The following ZNF236 variants were observed in gnomAD, a reference collection of about 807,000 sequenced individuals.
The protein encoded by ZNF236 is regulated by glucose.
A neutral mutation model predicts 191.2 loss-of-function variants in ZNF236; 50 were observed. That is an observed-to-expected ratio of 0.26 (90% CI 0.21 to 0.33). The LOEUF is 0.33. ZNF236 is among the 10% of genes least tolerant of loss of function. ZNF236 has a pLI of 1.00. For synonymous variants in ZNF236, 907 were observed against 928.8 expected, an observed-to-expected ratio of 0.98 and a Z score of 0.43; for missense variants, 1,754 against 2,374.5, an observed-to-expected ratio of 0.74 and a Z score of 5.43.
Position 76,868,595 on chromosome 18 carries a change from A to C in ZNF236, c.364-90A>C, listed in dbSNP as rs574491130. ...TAGAGAGACCAAGTAGTTTTCATTTAATTTGTGTATTAACCGTTGATCATA... is the reference window on the plus strand; with the variant it reads ...TAGAGAGACCAAGTAGTTTTCATTTCATTTGTGTATTAACCGTTGATCATA... On this transcript the variant is annotated intron_variant, in intron 3 of 30. Coordinates refer to ENST00000320610, the MANE Select transcript of ZNF236 (RefSeq NM_001306089.2). 4.6e-6 allele frequency: 5 copies of C among 1,090,404 alleles called. No individual in the cohort carries two copies. The African/African-American group carries it at 6.4e-5, about 14-fold the overall frequency. 67.5% of individuals were successfully genotyped at this position (1,090,404 alleles called of 1,614,324 possible).
At chr18:76,936,655 G>C (rs1968009113) in intron 25 of ZNF236, among the ~76,000 whole-genome samples, 1 of 152,240 alleles carries the variant, frequency 6.6e-6, no homozygotes, top group Non-Finnish European at 1.5e-5. Flanking sequence ...GAGATGGTCA[G>C]ATTTATCCCG....
At position 76,969,031 on chromosome 18, in the gene ZNF236, C is replaced by T. The variant is rs377300931; in HGVS notation, c.*692C>T. The T allele has an allele frequency of 1.8e-5, 17 of 956,424 alleles. No individual in the cohort carries two copies. Among genetic ancestry groups the T allele is most frequent in the East Asian group, 1.2e-4 (1 of 8,680 alleles). 59.2% of individuals were successfully genotyped at this position (956,424 alleles called of 1,614,324 possible). On this transcript the variant is annotated 3_prime_UTR_variant, in exon 31 of 31. Coordinates refer to ENST00000320610, the MANE Select transcript of ZNF236 (RefSeq NM_001306089.2). ...ACCAATAAGGATTCAGCTGTCCACA[C>T]GGGCTGGCGACACACTTACCGCATC... is the stretch of plus-strand genomic sequence containing the variant.
chr18:76,861,904 G>A (rs1422269289), intron 3 of ZNF236, among the ~76,000 whole-genome samples: 1 of 152,066 alleles, frequency 6.6e-6, no homozygotes, highest in Non-Finnish European at 1.5e-5. Flanking sequence ...CGCTCTTGTC[G>A]CCCGGGCTGG....
Position 76,972,243 on chromosome 18 carries a change from A to G in ZNF236, c.*3904A>G, listed in dbSNP as rs1353459242. ...AGGCCACTGAGCTGGCATCTTCTTC[A>G]TTGTGGAGAAAGTGGGAACCACAGA... is the stretch of plus-strand genomic sequence containing the variant. On this transcript the variant is annotated 3_prime_UTR_variant, in exon 31 of 31. Transcript: ENST00000320610. Among the ~76,000 whole-genome samples, 1 of 152,256 alleles carries G rather than the reference A, an allele frequency of 6.6e-6. No homozygotes were observed. The highest frequency in any genetic ancestry group is 2.4e-5 in the African/African-American group (1 of 41,472).
Position 76,908,353 on chromosome 18 carries a change from G to A in ZNF236, c.2331G>A (p.Gln777=). 1 of 1,614,022 alleles carries A rather than the reference G, an allele frequency of 6.2e-7. No individual in the cohort carries two copies. Among genetic ancestry groups the A allele is most frequent in the Non-Finnish European group, 8.5e-7 (1 of 1,179,948 alleles). Reference sequence around the variant, plus strand: ...TTGCCCAGCAGCTCCAACAGCATCAGCAGGCAGCCTCGATAGATGACAGCA... The same window carrying A: ...TTGCCCAGCAGCTCCAACAGCATCAACAGGCAGCCTCGATAGATGACAGCA... ...YELAQQLQQH[Q]QAASIDDSTV... The change falls in exon 14 of 31, where the codon CAG becomes CAA. Residue 777 remains glutamine, a synonymous_variant. Transcript: ENST00000320610.
chr18:76,846,840 G>A (rs1300094590), intron 1 of ZNF236, among the ~76,000 whole-genome samples: 1 of 151,752 alleles, frequency 6.6e-6, no homozygotes, highest in Non-Finnish European at 1.5e-5. Context: ...TGTTGCCCAG[G>A]CTGAAGTGCA....
At chr18:76,867,121 G>A (rs556822025) in intron 3 of ZNF236, among the ~76,000 whole-genome samples, 2 of 152,208 alleles carry the variant, frequency 1.3e-5, no homozygotes, top group East Asian at 1.9e-4. Flanking sequence ...GGAGAGGAGC[G>A]GGCTGCGAGG....
intron 5 of ZNF236, among the ~76,000 whole-genome samples, chr18:76,874,831 G>A (rs1267060355): frequency 6.6e-6 from 1 of 152,242 alleles, no homozygotes; most frequent in East Asian, 1.9e-4. Flanking sequence ...GGTAGAGGGA[G>A]CAAGAGAGCA....
chr18:76,939,483 T>C (rs748683440), intron 26 of ZNF236, among the ~76,000 whole-genome samples: 3 of 152,152 alleles, frequency 2.0e-5, no homozygotes, highest in Non-Finnish European at 4.4e-5. Flanking sequence ...TCTCAGGGCC[T>C]AGTGAAGCCC....
intron 1 of ZNF236, among the ~76,000 whole-genome samples, chr18:76,832,702 C>G (rs1472044177): frequency 6.6e-6 from 1 of 151,834 alleles, no homozygotes; most frequent in African/African-American, 2.4e-5. Flanking sequence ...ATCATCTTGA[C>G]AATTGTTGGT....
At chr18:76,867,196 A>C (rs1247585988) in intron 3 of ZNF236, among the ~76,000 whole-genome samples, 4 of 147,272 alleles carry the variant, frequency 2.7e-5, no homozygotes, top group Non-Finnish European at 3.0e-5. Flanking sequence ...AAAGCAGTGC[A>C]TTTTGTTCAG....
intron 1 of ZNF236, among the ~76,000 whole-genome samples, chr18:76,838,352 T>C (rs11664491): frequency 0.19 from 28,271 of 152,210 alleles, 2,824 homozygotes; most frequent in East Asian, 0.37. Flanking sequence ...TAGAAAATAA[T>C]GCATAGTGCA....
chr18:76,824,575 T>C (rs541587989), intron 1 of ZNF236, among the ~76,000 whole-genome samples: 2 of 152,324 alleles, frequency 1.3e-5, no homozygotes, highest in Admixed American at 6.5e-5. Flanking sequence ...CCAAAAATAA[T>C]GTAAGGTGCA....
At chr18:76,955,858 A>T in intron 27 of ZNF236, 127 bp from the exon 28 acceptor site, 1 of 1,004,840 alleles carries the variant, frequency 1.0e-6, no homozygotes, top group Non-Finnish European at 1.5e-6. Flanking sequence ...TGATGATAGG[A>T]CATGCAGTGT....
chr18:76,904,474 C>T lies in ZNF236; in HGVS notation c.1989C>T (p.Tyr663=). 6.2e-7 allele frequency: 1 copy of T among 1,610,024 alleles called. No homozygotes were observed. Among genetic ancestry groups the T allele is most frequent in the Non-Finnish European group, 8.5e-7 (1 of 1,178,324 alleles). The change falls in exon 12 of 31, where the codon TAC becomes TAT. Residue 663 remains tyrosine, a synonymous_variant. Transcript: ENST00000320610. ...NEADRPYKCF[Y]CHRAYKKSCH... ...CAGATAGACCATACAAGTGTTTTTA[C>T]TGTCATCGTGCATATAAAAAATCTT...
intron 28 of ZNF236, among the ~76,000 whole-genome samples, chr18:76,957,164 G>T (rs1023173133): frequency 1.3e-5 from 2 of 152,252 alleles, no homozygotes; most frequent in Non-Finnish European, 2.9e-5. Flanking sequence ...GGTGGGGATT[G>T]TTTTTGGCCT....
chr18:76,923,584 A>C (rs1360651708), intron 21 of ZNF236, among the ~76,000 whole-genome samples: 1 of 152,236 alleles, frequency 6.6e-6, no homozygotes, highest in African/African-American at 2.4e-5. Flanking sequence ...TTGCAAAGGC[A>C]GAAATGAATG....
intron 26 of ZNF236, among the ~76,000 whole-genome samples, chr18:76,945,493 A>G (rs1968236242): frequency 6.6e-6 from 1 of 152,246 alleles, no homozygotes; most frequent in Admixed American, 6.5e-5. Context: ...CTTTGTTAGT[A>G]TAGGTAGGAA....
At chr18:76,854,078 A>T (rs887404932) in intron 3 of ZNF236, among the ~76,000 whole-genome samples, 1 of 152,156 alleles carries the variant, frequency 6.6e-6, no homozygotes, top group Non-Finnish European at 1.5e-5. Flanking sequence ...TGTTCTCTCC[A>T]TAAGAAATAT....
Sources: gnomAD v4.1 joint callset for allele counts (sites outside exome capture counted in the v4.1 genomes callset) on GRCh38, gnomAD v4.1.1 for gene constraint, MANE v1.5 for transcripts, NCBI Gene and HGNC (gene_info 2026-07-23, HGNC 2026-07-21) for gene names.